The following NUDT13 variants were observed in gnomAD, a reference collection of about 807,000 sequenced individuals.
NUDT13 encodes the protein NAD(P)H pyrophosphatase NUDT13, mitochondrial.
NUDT13 carries 40 observed loss-of-function variants against 41.7 expected under a neutral mutation model. That is an observed-to-expected ratio of 0.96 (90% CI 0.75 to 1.25). NUDT13 has a LOEUF of 1.25. Ranked by LOEUF, NUDT13 falls within the 50% of genes most tolerant of loss-of-function variation. NUDT13 has a pLI of 0.00. For missense variants in NUDT13, 390 were observed against 416.1 expected (o/e 0.94, Z 0.55); for synonymous variants, 145 against 155.5 (o/e 0.93, Z 0.50).
intron 3 of NUDT13, among the ~76,000 whole-genome samples, chr10:73,121,215 G>A (rs1371286673): frequency 6.6e-6 from 1 of 152,018 alleles, no homozygotes; most frequent in Non-Finnish European, 1.5e-5. Flanking sequence ...CTCTACCCAA[G>A]AACAAAAAAT....
Position 73,118,880 on chromosome 10 carries a change from G to A in NUDT13, c.84-1138G>A, listed in dbSNP as rs540715801. 1.4e-4 allele frequency among the ~76,000 whole-genome samples: 22 copies of A among 151,932 alleles called. No homozygotes were observed. The South Asian group carries it at 4.6e-3, about 32-fold the overall frequency. ...CCAGGTACTCGGGAGGCTGAGGCAC[G>A]AGAATTGCCTGAACCTGGGAGGCAG... On this transcript the variant is annotated intron_variant, in intron 2 of 8. Transcript: ENST00000357321.
intron 2 of NUDT13, among the ~76,000 whole-genome samples, chr10:73,117,894 T>C (rs949922660): frequency 2.0e-5 from 3 of 152,228 alleles, no homozygotes; most frequent in African/African-American, 7.2e-5. Flanking sequence ...TAGCAATTTC[T>C]ATGCTATTAT....
chr10:73,131,422 A>G lies in NUDT13; in HGVS notation c.*519A>G, dbSNP rs1236958644. On this transcript the variant is annotated 3_prime_UTR_variant, in exon 9 of 9. Transcript: ENST00000357321. ...TCATGTACAGGTGCATTCTAGTTAC[A>G]TGAACATGCTAGTTAAATAAAAGTC... is the stretch of plus-strand genomic sequence containing the variant. 2 of 159,168 alleles carry G rather than the reference A, an allele frequency of 1.3e-5. No homozygotes were observed. Among genetic ancestry groups the G allele is most frequent in the Admixed American group, 5.8e-5 (1 of 17,188 alleles). 9.9% of individuals were successfully genotyped at this position (159,168 alleles called of 1,614,324 possible).
chr10:73,125,588 A>T, intron 7 of NUDT13, 79 bp downstream of exon 7: 1 of 924,490 alleles, frequency 1.1e-6, no homozygotes, highest in Non-Finnish European at 1.6e-6. Flanking sequence ...TCTTGTTGCT[A>T]TAGAGCTTGA....
At position 73,130,909 on chromosome 10, in the gene NUDT13, A is replaced by C. The variant is rs1209570955; in HGVS notation, c.*6A>C. 1 of 1,611,260 alleles carries C rather than the reference A, an allele frequency of 6.2e-7. No homozygotes were observed. The highest frequency in any genetic ancestry group is 1.3e-5 in the African/African-American group (1 of 74,870). The stretch of plus-strand genomic sequence containing the variant: ...GTTCTTCCCTGCCTGCTTAGCCCGG[A>C]TCAAGTCACTTAGATCGCTCCTTGG... On this transcript the variant is annotated 3_prime_UTR_variant, in exon 9 of 9. Coordinates refer to ENST00000357321, the MANE Select transcript of NUDT13 (RefSeq NM_015901.6).
At chr10:73,129,670 C>A (rs1842868871) in intron 8 of NUDT13, among the ~76,000 whole-genome samples, 1 of 143,576 alleles carries the variant, frequency 7.0e-6, no homozygotes, top group Non-Finnish European at 1.5e-5. Context: ...TTAACCCTTA[C>A]CCTTTAAAAA....
rs905834015 is a variant in NUDT13 at position 73,131,159 on chromosome 10, A to G, written c.*256A>G. The stretch of plus-strand genomic sequence containing the variant: ...CAAAAATCAGGGGGAAGGGGGAAGC[A>G]TTAGTTTGGATGTAGGCCCTTGTTC... On this transcript the variant is annotated 3_prime_UTR_variant, in exon 9 of 9. Transcript: ENST00000357321. The G allele has an allele frequency of 7.9e-6, 3 of 379,452 alleles. No homozygotes were observed. Among genetic ancestry groups the G allele is most frequent in the African/African-American group, 6.2e-5 (3 of 48,686 alleles). 23.5% of individuals were successfully genotyped at this position (379,452 alleles called of 1,614,324 possible).
rs149310473 is a variant in NUDT13, at chr10:73,128,858, TTTA to T, written c.859-1842_859-1840del. On this transcript the variant is annotated intron_variant, in intron 8 of 8. Transcript: ENST00000357321. The stretch of plus-strand genomic sequence containing the variant: ...TTCCTTTATGTTTTCTCCTAAGAAT[TTTA>T]TTGTTTCAGGTTTTATATTTAAGTC... Among the ~76,000 whole-genome samples the T allele has an allele frequency of 1.1e-3, 163 of 152,330 alleles. 1 individual carries two copies. Among genetic ancestry groups the T allele is most frequent in the African/African-American group, 3.8e-3 (157 of 41,584 alleles).
In NUDT13 at chr10:73,110,515, C is replaced by T. The variant is rs1227584971; in HGVS notation, c.-62C>T. 2 of 152,182 alleles carry T rather than the reference C, an allele frequency of 1.3e-5. No homozygotes were observed. Among genetic ancestry groups the T allele is most frequent in the East Asian group, 3.9e-4 (2 of 5,188 alleles). 9.4% of individuals were successfully genotyped at this position (152,182 alleles called of 1,614,324 possible). ...GTTGAACGTGAACATTTGGAGTTTCCTCTTTTGTGCTGATTCCTGAGGACT... is the reference window on the plus strand; with the variant it reads ...GTTGAACGTGAACATTTGGAGTTTCTTCTTTTGTGCTGATTCCTGAGGACT... On this transcript the variant is annotated 5_prime_UTR_variant, in exon 1 of 9. Coordinates refer to ENST00000357321, the MANE Select transcript of NUDT13 (RefSeq NM_015901.6).
chr10:73,115,193 T>C (rs2133203175), intron 2 of NUDT13: 1 of 152,320 alleles, frequency 6.6e-6, no homozygotes, highest in South Asian at 2.1e-4. Flanking sequence ...TTTACTTTTT[T>C]AGAGATGGAG....
intron 3 of NUDT13, among the ~76,000 whole-genome samples, chr10:73,121,198 A>G (rs1219873620): frequency 6.6e-6 from 1 of 152,126 alleles, no homozygotes; most frequent in Non-Finnish European, 1.5e-5. Context: ...ACATAGTGAG[A>G]CCCCGTCTCT....
In NUDT13 at chr10:73,130,814, C is replaced by G. The variant is rs1344679473; in HGVS notation, c.970C>G (p.Pro324Ala). 3 of 1,612,588 alleles carry G rather than the reference C, an allele frequency of 1.9e-6. No homozygotes were observed. The African/African-American group carries it at 4.1e-5, about 22-fold the overall frequency. The change falls in exon 9 of 9, where the codon CCA (proline) becomes GCA (alanine). Residue 324 changes from proline to alanine, a missense_variant. Physicochemically the swap from Pro to Ala is conservative, Grantham distance 27 (BLOSUM62 -1). Coordinates refer to ENST00000357321, the MANE Select transcript of NUDT13 (RefSeq NM_015901.6). The part of the protein sequence containing the change: ...PYTQQQNGTF[P>A]FWLPPKLAIS... ...TACTCAGCAACAGAATGGGACTTTC[C>G]CATTCTGGCTGCCCCCTAAGTTAGC... is the stretch of plus-strand genomic sequence containing the variant.
chr10:73,123,171 A>G (rs539613851), intron 4 of NUDT13, among the ~76,000 whole-genome samples: 1 of 152,284 alleles, frequency 6.6e-6, no homozygotes, highest in South Asian at 2.1e-4. Context: ...AAGTGCTGGG[A>G]TTACAGGCAT....
chr10:73,119,869 A>G (rs766711930), intron 2 of NUDT13, 149 bp from the exon 3 acceptor site: 2 of 810,090 alleles, frequency 2.5e-6, no homozygotes, highest in Non-Finnish European at 3.9e-6. Context: ...TAGCCACCTC[A>G]AACCCTTTTT....
chr10:73,118,605 C>G (rs1842570427), intron 2 of NUDT13, among the ~76,000 whole-genome samples: 3 of 152,164 alleles, frequency 2.0e-5, no homozygotes, highest in Admixed American at 2.0e-4. Flanking sequence ...CTGGTACTTA[C>G]CCCATTACTA....
chr10:73,111,907 G>C (rs558997306), intron 1 of NUDT13, among the ~76,000 whole-genome samples: 3 of 152,142 alleles, frequency 2.0e-5, no homozygotes, highest in African/African-American at 7.2e-5. Context: ...GTCTTAAAAG[G>C]AATAAGTACA....
At chr10:73,124,349 A>G in intron 5 of NUDT13, 29 bp downstream of exon 5, 1 of 1,479,020 alleles carries the variant, frequency 6.8e-7, no homozygotes, top group Middle Eastern at 1.7e-4. Flanking sequence ...TTCTGTAGGA[A>G]ATTTAGTAGA....
intron 5 of NUDT13, 52 bp downstream of exon 5, chr10:73,124,372 G>T: frequency 8.0e-7 from 1 of 1,243,002 alleles, no homozygotes; most frequent in Non-Finnish European, 1.2e-6. Context: ...AGTAAGTGTG[G>T]GCAAATCCAT....
rs1203831177 is a variant in NUDT13 at position 73,122,713 on chromosome 10, G to A, written c.358+404G>A. 4.0e-5 allele frequency among the ~76,000 whole-genome samples: 6 copies of A among 150,474 alleles called. No homozygotes were observed. The East Asian group carries it at 9.9e-4, about 25-fold the overall frequency. Reference sequence around the variant, plus strand: ...CAGCCTCCTGAGTAGCTGGGACCATGGGCATGTACTACCATGCCCAGCTAA... The same window carrying A: ...CAGCCTCCTGAGTAGCTGGGACCATAGGCATGTACTACCATGCCCAGCTAA... On this transcript the variant is annotated intron_variant, in intron 4 of 8. Coordinates refer to ENST00000357321, the MANE Select transcript of NUDT13 (RefSeq NM_015901.6).
Sources: allele counts gnomAD v4.1 joint callset (sites outside exome capture counted in the v4.1 genomes callset), GRCh38; gene constraint gnomAD v4.1.1; transcripts MANE v1.5; gene names NCBI Gene and HGNC (gene_info 2026-07-23, HGNC 2026-07-21).